The following DLC1 variants were observed in gnomAD, a reference collection of about 807,000 sequenced individuals.
The protein encoded by DLC1 is rho GTPase-activating protein 7.
DLC1 carries 54 observed loss-of-function variants against 140.3 expected under a neutral mutation model. That is an observed-to-expected ratio of 0.38 (90% CI 0.31 to 0.48). The LOEUF is 0.48. DLC1 is among the 20% of genes least tolerant of loss of function. DLC1 has a pLI of 0.96. For synonymous variants in DLC1, 986 were observed against 728.1 expected (o/e 1.35, Z -5.70); for missense variants, 2,536 against 1,907.0 (o/e 1.33, Z -6.14).
At chr8:13,188,799 G>GTGTATATATATATATATATATATA (rs1554465471) in intron 5 of DLC1, among the ~76,000 whole-genome samples, 48 of 79,528 alleles carry the variant, frequency 6.0e-4, no homozygotes, top group Non-Finnish European at 7.8e-4. Flanking sequence ...GTGTGTGTGT[G>GTGTATATATATATATATATATATA]TGTATATATA....
chr8:13,470,486 A>G (rs2117067217), intron 2 of DLC1, among the ~76,000 whole-genome samples: 1 of 152,324 alleles, frequency 6.6e-6, no homozygotes, highest in South Asian at 2.1e-4. Context: ...CAAAGAAGAC[A>G]TAGAAATGGT....
chr8:13,539,037 G>C (rs1202570682), intron 1 of DLC1, among the ~76,000 whole-genome samples: 1 of 152,010 alleles, frequency 6.6e-6, no homozygotes, highest in Non-Finnish European at 1.5e-5. Flanking sequence ...TCATAGATAA[G>C]ACTGAATCCT....
At chr8:13,249,894 C>G (rs1431979114) in intron 5 of DLC1, among the ~76,000 whole-genome samples, 1 of 152,188 alleles carries the variant, frequency 6.6e-6, no homozygotes, top group Non-Finnish European at 1.5e-5. Context: ...CACACACTTG[C>G]CCATATCTTG....
At chr8:13,264,115 C>G (rs536242460) in intron 5 of DLC1, among the ~76,000 whole-genome samples, 59 of 145,532 alleles carry the variant, frequency 4.1e-4, no homozygotes, top group African/African-American at 1.4e-3. Context: ...GTCACCCAGG[C>G]TGGAGTGCAG....
chr8:13,158,895 A>G (rs1481483600), intron 5 of DLC1, among the ~76,000 whole-genome samples: 1 of 152,056 alleles, frequency 6.6e-6, no homozygotes, highest in Non-Finnish European at 1.5e-5. Flanking sequence ...CAACAGACAT[A>G]CAACTAACAC....
intron 5 of DLC1, among the ~76,000 whole-genome samples, chr8:13,121,790 C>T (rs1821097851): frequency 1.3e-5 from 2 of 151,998 alleles, no homozygotes; most frequent in African/African-American, 2.4e-5. Context: ...TGGGCTCAGG[C>T]AATCCTCCTG....
chr8:13,521,344 G>A (rs970196193), intron 1 of DLC1, among the ~76,000 whole-genome samples: 11 of 151,700 alleles, frequency 7.3e-5, no homozygotes, highest in Admixed American at 3.3e-4. Context: ...ACAAACCACC[G>A]TGGCACACAT....
At chr8:13,362,744 C>T (rs1468865082) in intron 4 of DLC1, among the ~76,000 whole-genome samples, 1 of 152,182 alleles carries the variant, frequency 6.6e-6, no homozygotes, top group East Asian at 1.9e-4. Context: ...TCTGCATCAG[C>T]CACACTGGCC....
chr8:13,313,018 T>G (rs55633837), intron 4 of DLC1, among the ~76,000 whole-genome samples: 1,736 of 152,246 alleles, frequency 0.011, 30 homozygotes, highest in African/African-American at 0.039. Flanking sequence ...CTCATAATGA[T>G]TCATTTTGTC....
chr8:13,262,286 T>G, intron 5 of DLC1, among the ~76,000 whole-genome samples: 1 of 152,166 alleles, frequency 6.6e-6, no homozygotes, highest in African/African-American at 2.4e-5. Flanking sequence ...AAGAGAACAA[T>G]TTTAAAGACT....
intron 4 of DLC1, among the ~76,000 whole-genome samples, chr8:13,348,581 A>T (rs1281289596): frequency 6.6e-6 from 1 of 152,176 alleles, no homozygotes; most frequent in Admixed American, 6.5e-5. Context: ...CCATCTTTAG[A>T]ATATTAATAG....
At chr8:13,193,249 C>T (rs973879821) in intron 5 of DLC1, among the ~76,000 whole-genome samples, 11 of 152,072 alleles carry the variant, frequency 7.2e-5, no homozygotes, top group African/African-American at 2.7e-4. Flanking sequence ...TTCAAAAGAC[C>T]ATAACTTTTC....
chr8:13,207,818 A>C (rs998330869), intron 5 of DLC1, among the ~76,000 whole-genome samples: 1 of 152,192 alleles, frequency 6.6e-6, no homozygotes, highest in Non-Finnish European at 1.5e-5. Context: ...TCTCCACGAC[A>C]AAGAATTATC....
At chr8:13,154,204 C>G (rs994261494) in intron 5 of DLC1, among the ~76,000 whole-genome samples, 8 of 152,246 alleles carry the variant, frequency 5.3e-5, no homozygotes, top group African/African-American at 1.9e-4. Context: ...CAGGGCCGCA[C>G]CAGGTGCTTG....
chr8:13,484,123 C>T (rs10094882), intron 2 of DLC1, among the ~76,000 whole-genome samples: 2,887 of 152,118 alleles, frequency 0.019, 103 homozygotes, highest in African/African-American at 0.065. Flanking sequence ...ACAATCTGAG[C>T]TGCAGTGTGG....
chr8:13,374,249 C>T (rs562075540), intron 4 of DLC1, among the ~76,000 whole-genome samples: 5 of 152,066 alleles, frequency 3.3e-5, no homozygotes, highest in Admixed American at 6.5e-5. Flanking sequence ...ATCCAAGCTT[C>T]GACTTATCTT....
chr8:13,484,787 G>A (rs936968669), intron 2 of DLC1, among the ~76,000 whole-genome samples: 2 of 151,870 alleles, frequency 1.3e-5, no homozygotes, highest in African/African-American at 4.8e-5. Context: ...GAGGCCATCT[G>A]TCATATATAC....
At chr8:13,433,053 C>G (rs934578325) in intron 2 of DLC1, among the ~76,000 whole-genome samples, 3 of 146,072 alleles carry the variant, frequency 2.1e-5, no homozygotes, top group Admixed American at 7.2e-5. Context: ...ATAGCACAGA[C>G]ATTTGGAAAG....
chr8:13,231,105 C>A (rs1019327837), intron 5 of DLC1, among the ~76,000 whole-genome samples: 1 of 151,978 alleles, frequency 6.6e-6, no homozygotes, highest in Non-Finnish European at 1.5e-5. Flanking sequence ...AAAAGTGGGG[C>A]CTGGTCTGTT....
Sources: gnomAD v4.1 joint callset for allele counts (sites outside exome capture counted in the v4.1 genomes callset) on GRCh38, gnomAD v4.1.1 for gene constraint, MANE v1.5 for transcripts, NCBI Gene and HGNC (gene_info 2026-07-23, HGNC 2026-07-21) for gene names.